Variants in TTC23L observed in about 807,000 individuals in gnomAD.
TTC23L encodes tetratricopeptide repeat protein 23-like.
TTC23L carries 42 observed loss-of-function variants against 48.1 expected under a neutral mutation model. The observed-to-expected ratio is 0.87, with a 90% CI of 0.68 to 1.13. The LOEUF (loss-of-function observed/expected upper bound fraction) is 1.13. Among genes scored for constraint, TTC23L ranks in the 50% most tolerant of loss-of-function variants. TTC23L has a pLI of 0.00. For synonymous variants in TTC23L, 159 were observed against 157.2 expected, an observed-to-expected ratio of 1.01 and a Z score of -0.09; for missense variants, 391 against 421.0, an observed-to-expected ratio of 0.93 and a Z score of 0.62.
chr5:34,894,807 TAA>T (rs879679850), intron 9 of TTC23L, among the ~76,000 whole-genome samples: 2 of 152,102 alleles, frequency 1.3e-5, no homozygotes, highest in Non-Finnish European at 2.9e-5. Flanking sequence ...TATGAATAAA[TAA>T]GTTAATGTAA....
the TTC23L span, chr5:34,922,253 T>C: frequency 6.3e-7 from 1 of 1,594,050 alleles, no homozygotes; most frequent in Non-Finnish European, 8.6e-7. Flanking sequence ...ATGCATCTAT[T>C]TTGAAGCTAA....
At chr5:34,897,998 C>T (rs1375756891) in intron 10 of TTC23L, among the ~76,000 whole-genome samples, 4 of 152,104 alleles carry the variant, frequency 2.6e-5, no homozygotes, top group Non-Finnish European at 5.9e-5. Flanking sequence ...AGTTCAAACC[C>T]CAGGACTACC....
intron 4 of TTC23L, among the ~76,000 whole-genome samples, chr5:34,851,119 GA>G (rs1759641950): frequency 6.6e-6 from 1 of 152,166 alleles, no homozygotes; most frequent in Admixed American, 6.5e-5. Context: ...ATTTGATCTA[GA>G]ACAGTCCTTT....
the TTC23L span, among the ~76,000 whole-genome samples, chr5:34,912,008 T>A: frequency 6.6e-6 from 1 of 152,194 alleles, no homozygotes; most frequent in Admixed American, 6.6e-5. Context: ...ACAAGAAAAT[T>A]GGGAACCAGA....
At chr5:34,902,046 CAG>C (rs1444029053), downstream of TTC23L, among the ~76,000 whole-genome samples, 5 of 152,200 alleles carry the variant, frequency 3.3e-5, no homozygotes, top group African/African-American at 9.7e-5. Context: ...AATTTAGCGA[CAG>C]AGAAATCTCA....
At chr5:34,842,872 C>T (rs1758804956) in intron 2 of TTC23L, among the ~76,000 whole-genome samples, 1 of 152,206 alleles carries the variant, frequency 6.6e-6, no homozygotes, top group South Asian at 2.1e-4. Flanking sequence ...GTCACCCAGG[C>T]TGGAGCGCAG....
intron 2 of TTC23L, among the ~76,000 whole-genome samples, chr5:34,843,920 C>T (rs188389569): frequency 6.6e-6 from 1 of 152,190 alleles, no homozygotes; most frequent in African/African-American, 2.4e-5. Flanking sequence ...TTTACTTTGC[C>T]AGCAGGCAAA....
At chr5:34,903,051 T>A (rs1296658059), downstream of TTC23L, among the ~76,000 whole-genome samples, 2 of 151,892 alleles carry the variant, frequency 1.3e-5, no homozygotes, top group African/African-American at 4.8e-5. Flanking sequence ...TATTTTGCAA[T>A]CCTAAGATCT....
At chr5:34,890,441 CA>C (rs57798773) in intron 9 of TTC23L, among the ~76,000 whole-genome samples, 11,652 of 56,714 alleles carry the variant, frequency 0.21, 240 homozygotes, top group South Asian at 0.32. Flanking sequence ...GACCCTGTCT[CA>C]AAAAAAAAAA....
At chr5:34,925,574 T>C in the TTC23L span, 16 of 1,226,018 alleles carry the variant, frequency 1.3e-5, no homozygotes, top group East Asian at 3.8e-4. Context: ...TATTATCTAA[T>C]ACTATCTTAC....
chr5:34,893,662 T>C (rs925002954), intron 9 of TTC23L, among the ~76,000 whole-genome samples: 10 of 152,188 alleles, frequency 6.6e-5, no homozygotes, highest in African/African-American at 2.4e-4. Flanking sequence ...GTGCTTTACT[T>C]AGTGTATGGC....
chr5:34,891,811 G>A (rs1175115064), intron 9 of TTC23L, among the ~76,000 whole-genome samples: 1 of 152,186 alleles, frequency 6.6e-6, no homozygotes, highest in African/African-American at 2.4e-5. Flanking sequence ...AGTATTTACT[G>A]TGTCTTTTAG....
chr5:34,841,034 C>T (rs992235693), intron 2 of TTC23L, among the ~76,000 whole-genome samples: 2 of 151,472 alleles, frequency 1.3e-5, no homozygotes, highest in Non-Finnish European at 1.5e-5. Flanking sequence ...CAATAGAGAC[C>T]CTGTCTCAAA....
chr5:34,917,309 A>C, the TTC23L span, among the ~76,000 whole-genome samples: 1 of 152,122 alleles, frequency 6.6e-6, no homozygotes, highest in Non-Finnish European at 1.5e-5. Flanking sequence ...TGTTTAGAAA[A>C]CTCTGGGAAG....
intron 4 of TTC23L, among the ~76,000 whole-genome samples, chr5:34,852,227 G>A (rs1759733362): frequency 6.6e-6 from 1 of 151,996 alleles, no homozygotes; most frequent in Non-Finnish European, 1.5e-5. Flanking sequence ...TACAAAGTTG[G>A]TCCTTTATAT....
chr5:34,850,979 C>T lies in TTC23L; in HGVS notation c.379+671C>T, dbSNP rs145168923. Among the ~76,000 whole-genome samples, 455 of 152,288 alleles carry T rather than the reference C, an allele frequency of 3.0e-3. 2 individuals are homozygous for T. The highest frequency in any genetic ancestry group is 0.011 in the African/African-American group (440 of 41,544). Reference sequence around the variant, plus strand: ...CATAGCCAGCTCAAGACTCTCTGTTCCTTGACCAGCCATGTCCCCCTGTGT... The same window carrying T: ...CATAGCCAGCTCAAGACTCTCTGTTTCTTGACCAGCCATGTCCCCCTGTGT... On this transcript the variant is annotated intron_variant, in intron 4 of 10. Transcript: ENST00000505624.
chr5:34,843,071 G>T (rs1022679336), intron 2 of TTC23L, among the ~76,000 whole-genome samples: 3 of 152,194 alleles, frequency 2.0e-5, no homozygotes, highest in African/African-American at 7.2e-5. Context: ...GCCTTCCAGA[G>T]TGCTGGGATT....
intron 3 of TTC23L, among the ~76,000 whole-genome samples, chr5:34,848,572 T>C (rs976960661): frequency 6.6e-6 from 1 of 152,142 alleles, no homozygotes; most frequent in Non-Finnish European, 1.5e-5. Flanking sequence ...AATGGGATAT[T>C]GAGTGATGAA....
intron 8 of TTC23L, chr5:34,869,954 A>G (rs1046253881): frequency 2.0e-5 from 3 of 152,096 alleles, no homozygotes; most frequent in African/African-American, 4.8e-5. Flanking sequence ...TTCCTCGTCT[A>G]TATTCACAGT....
Sources: allele counts gnomAD v4.1 joint callset (sites outside exome capture counted in the v4.1 genomes callset), GRCh38; gene constraint gnomAD v4.1.1; transcripts MANE v1.5; gene names NCBI Gene and HGNC (gene_info 2026-07-23, HGNC 2026-07-21).